Variants in CUX1 observed in about 807,000 individuals in gnomAD.
CUX1 encodes protein CASP.
A neutral mutation model predicts 158.8 loss-of-function variants in CUX1; 31 were observed. That is an observed-to-expected ratio of 0.20 (90% CI 0.15 to 0.26). CUX1 has a LOEUF of 0.26. Ranked by LOEUF, CUX1 falls within the 10% of genes least tolerant of loss-of-function variation. The pLI is 1.00. For missense variants in CUX1, 1,589 were observed against 2,014.6 expected, an observed-to-expected ratio of 0.79 and a Z score of 4.04; for synonymous variants, 879 against 862.1, an observed-to-expected ratio of 1.02 and a Z score of -0.34.
chr7:102,001,574 C>T (rs1257758139), intron 2 of CUX1, among the ~76,000 whole-genome samples: 1 of 152,172 alleles, frequency 6.6e-6, no homozygotes, highest in East Asian at 1.9e-4. Context: ...GAACTCCTGA[C>T]CTCAGGTGAT....
At chr7:102,266,180 G>A (rs1554545014) in intron 14 of CUX1, among the ~76,000 whole-genome samples, 1 of 149,232 alleles carries the variant, frequency 6.7e-6, no homozygotes, top group East Asian at 2.0e-4. Flanking sequence ...CTCTAGCCTG[G>A]GTGACAGAGT....
chr7:102,111,980 G>C (rs1830940078), intron 7 of CUX1: 5 of 529,250 alleles, frequency 9.4e-6, no homozygotes, highest in Middle Eastern at 5.0e-4. Flanking sequence ...TTAATGTAGA[G>C]GTGGGAGGAT....
intron 14 of CUX1, chr7:102,273,286 G>A: frequency 3.2e-6 from 5 of 1,549,804 alleles, no homozygotes; most frequent in South Asian, 1.2e-5. Flanking sequence ...CAGACCGTGG[G>A]TTGGAGAGGC....
chr7:101,944,816 G>T (rs1483886584), intron 2 of CUX1, among the ~76,000 whole-genome samples: 1 of 152,184 alleles, frequency 6.6e-6, no homozygotes, highest in African/African-American at 2.4e-5. Context: ...GAGCAGGTGG[G>T]CACACCCAGG....
intron 9 of CUX1, among the ~76,000 whole-genome samples, chr7:102,162,020 A>G (rs1790479773): frequency 6.6e-6 from 1 of 152,100 alleles, no homozygotes; most frequent in Non-Finnish European, 1.5e-5. Flanking sequence ...AAAAAGAACT[A>G]GGGGGTTCGG....
In CUX1 at chr7:102,252,223, C is replaced by A. The variant is rs1420917739; in HGVS notation, c.*3181C>A. On this transcript the variant is annotated 3_prime_UTR_variant, in exon 24 of 24. Coordinates refer to ENST00000292535, the MANE Select transcript of CUX1 (RefSeq NM_181552.4). ...CTGCCACTAAAATAATACAGCAATC[C>A]GTGGCCAGGGGAGCACCCCCTCCTG... is the stretch of plus-strand genomic sequence containing the variant. 3 of 985,226 alleles carry A rather than the reference C, an allele frequency of 3.0e-6. No homozygotes were observed. The East Asian group carries it at 3.4e-4, about 112-fold the overall frequency. The allele number at this position is 985,226 out of a possible 1,614,324, so 61.0% of individuals were successfully genotyped here.
chr7:102,199,963 T>C, intron 16 of CUX1, 108 bp from the exon 17 acceptor site: 3 of 841,670 alleles, frequency 3.6e-6, no homozygotes, highest in Admixed American at 6.2e-5. Flanking sequence ...TGCCTCCTTG[T>C]GTCACCAGCC....
At chr7:102,019,092 G>C (rs916101377) in intron 2 of CUX1, among the ~76,000 whole-genome samples, 2 of 152,118 alleles carry the variant, frequency 1.3e-5, no homozygotes, top group Admixed American at 6.6e-5. Context: ...TGTGCAGTTC[G>C]AATCTGCCCT....
At chr7:102,041,644 C>A (rs1330641074) in intron 3 of CUX1, among the ~76,000 whole-genome samples, 7 of 149,464 alleles carry the variant, frequency 4.7e-5, no homozygotes, top group African/African-American at 1.7e-4. Flanking sequence ...TCTAATAGGG[C>A]TTCATTTATA....
intron 11 of CUX1, among the ~76,000 whole-genome samples, chr7:102,187,577 C>T (rs1554515683): frequency 6.6e-6 from 1 of 152,174 alleles, no homozygotes; most frequent in Non-Finnish European, 1.5e-5. Flanking sequence ...CTGTGTGCTC[C>T]TCCCTCTGTC....
rs575389731 is a variant in CUX1, at chr7:101,972,111, C to T, written c.141+55886C>T. Among the ~76,000 whole-genome samples, 72 of 152,266 alleles carry T rather than the reference C, an allele frequency of 4.7e-4. No individual in the cohort carries two copies. The East Asian group carries it at 7.2e-3, about 15-fold the overall frequency. ...CCTCCCAAGACGCTGGGACTACAGG[C>T]GCCTGCCACCACGCCCAGCTAATTT... On this transcript the variant is annotated intron_variant, in intron 2 of 23. Transcript: ENST00000292535.
At chr7:102,024,847 G>C (rs1184548551) in intron 2 of CUX1, among the ~76,000 whole-genome samples, 1 of 152,170 alleles carries the variant, frequency 6.6e-6, no homozygotes, top group Non-Finnish European at 1.5e-5. Context: ...ATGCGGTGAT[G>C]TGTTAGCTTC....
chr7:102,243,011 T>C (rs565404809), intron 23 of CUX1, among the ~76,000 whole-genome samples: 1 of 152,242 alleles, frequency 6.6e-6, no homozygotes, highest in East Asian at 1.9e-4. Flanking sequence ...TGGTAGCTTA[T>C]GCCCGTAATC....
At chr7:102,120,681 C>T (rs1453961801) in intron 8 of CUX1, among the ~76,000 whole-genome samples, 4 of 152,168 alleles carry the variant, frequency 2.6e-5, no homozygotes, top group Non-Finnish European at 4.4e-5. Context: ...AAAACTTTCC[C>T]GTAGCTAACT....
intron 2 of CUX1, among the ~76,000 whole-genome samples, chr7:102,012,588 A>C (rs1451611307): frequency 6.6e-6 from 1 of 152,056 alleles, no homozygotes; most frequent in Non-Finnish European, 1.5e-5. Context: ...TACTTTTCCC[A>C]GCGTCCTCTC....
chr7:101,866,060 C>T (rs769633787), intron 1 of CUX1, among the ~76,000 whole-genome samples: 3 of 152,182 alleles, frequency 2.0e-5, no homozygotes, highest in Non-Finnish European at 4.4e-5. Flanking sequence ...CATGGTGGCT[C>T]ACACCTGTAA....
chr7:102,118,736 G>C (rs1831700213), intron 8 of CUX1, among the ~76,000 whole-genome samples: 1 of 151,622 alleles, frequency 6.6e-6, no homozygotes, highest in African/African-American at 2.4e-5. Flanking sequence ...TCACTGGGTG[G>C]TTTTTGTTGT....
intron 9 of CUX1, among the ~76,000 whole-genome samples, chr7:102,169,036 C>T (rs751903135): frequency 2.0e-5 from 3 of 151,196 alleles, no homozygotes; most frequent in African/African-American, 7.3e-5. Context: ...TGGGTTCAAG[C>T]GATTCTTCTG....
intron 23 of CUX1, among the ~76,000 whole-genome samples, chr7:102,243,555 A>G (rs1187373243): frequency 2.0e-5 from 3 of 151,076 alleles, no homozygotes; most frequent in Non-Finnish European, 3.0e-5. Flanking sequence ...ACTCCACCAC[A>G]TTGGGAGGCT....
Sources: allele counts gnomAD v4.1 joint callset (sites outside exome capture counted in the v4.1 genomes callset), GRCh38; gene constraint gnomAD v4.1.1; transcripts MANE v1.5; gene names NCBI Gene and HGNC (gene_info 2026-07-23, HGNC 2026-07-21).